The following ADAMTS12 variants were observed in gnomAD, a reference collection of about 807,000 sequenced individuals.
ADAMTS12 encodes A disintegrin and metalloproteinase with thrombospondin motifs 12.
Under a neutral mutation model 167.8 loss-of-function variants are expected in ADAMTS12, and 118 were observed. The observed-to-expected ratio is 0.70, with a 90% CI of 0.61 to 0.82. The LOEUF (loss-of-function observed/expected upper bound fraction) is 0.82. Ranked by LOEUF, ADAMTS12 falls within the 40% of genes least tolerant of loss-of-function variation. The pLI is 0.00. For missense variants in ADAMTS12, 1,916 were observed against 1,998.8 expected, an observed-to-expected ratio of 0.96 and a Z score of 0.79; for synonymous variants, 704 against 716.9, an observed-to-expected ratio of 0.98 and a Z score of 0.29.
chr5:33,640,220 A>T (rs1740388225), intron 11 of ADAMTS12, among the ~76,000 whole-genome samples: 1 of 152,218 alleles, frequency 6.6e-6, no homozygotes, highest in Non-Finnish European at 1.5e-5. Context: ...GTTAGCAATG[A>T]ATTTAAGCAA....
At position 33,813,405 on chromosome 5, in the gene ADAMTS12, A is replaced by G. The variant is rs1026363226; in HGVS notation, c.490-61857T>C. On this transcript the variant is annotated intron_variant, in intron 2 of 23. Transcript: ENST00000504830. ...AAAGTACTTGTTCAAGTTGTCTGTGAATCTTTTAATTAATTGCTGTGGTTG... is the reference window on the plus strand; with the variant it reads ...AAAGTACTTGTTCAAGTTGTCTGTGGATCTTTTAATTAATTGCTGTGGTTG... 1.5e-4 allele frequency among the ~76,000 whole-genome samples: 23 copies of G among 152,316 alleles called. No homozygotes were observed. In the East Asian group the frequency reaches 2.3e-3, roughly 15 times the overall value.
intron 7 of ADAMTS12, among the ~76,000 whole-genome samples, chr5:33,650,522 C>T (rs1382347735): frequency 1.4e-4 from 21 of 152,188 alleles, no homozygotes; most frequent in Non-Finnish European, 1.2e-4. Context: ...GATTTGTCAA[C>T]AATCATATAG....
chr5:33,842,918 A>T (rs973926721), intron 2 of ADAMTS12, among the ~76,000 whole-genome samples: 3 of 152,228 alleles, frequency 2.0e-5, no homozygotes, highest in Non-Finnish European at 4.4e-5. Flanking sequence ...TAGCTAAGCC[A>T]GCATAGGGTC....
chr5:33,566,106 A>T (rs1746002505), intron 19 of ADAMTS12, among the ~76,000 whole-genome samples: 2 of 152,210 alleles, frequency 1.3e-5, no homozygotes, highest in South Asian at 4.1e-4. Context: ...CCAGCAGACA[A>T]TGAAAATTCA....
At chr5:33,862,643 A>G (rs1440573339) in intron 2 of ADAMTS12, among the ~76,000 whole-genome samples, 1 of 152,240 alleles carries the variant, frequency 6.6e-6, no homozygotes, top group Non-Finnish European at 1.5e-5. Context: ...ACATTTTCTG[A>G]AACTATTCCA....
chr5:33,700,299 A>C (rs1742953362), intron 3 of ADAMTS12, among the ~76,000 whole-genome samples: 1 of 152,224 alleles, frequency 6.6e-6, no homozygotes, highest in Non-Finnish European at 1.5e-5. Flanking sequence ...AATGTGCCTC[A>C]ACCAGTGAAG....
intron 2 of ADAMTS12, among the ~76,000 whole-genome samples, chr5:33,795,746 C>T (rs140031785): frequency 5.3e-5 from 8 of 152,216 alleles, no homozygotes; most frequent in South Asian, 2.1e-4. Context: ...TTTGAAAATT[C>T]GCCACTATAC....
chr5:33,691,234 C>G (rs939330821), intron 3 of ADAMTS12, among the ~76,000 whole-genome samples: 1 of 152,182 alleles, frequency 6.6e-6, no homozygotes, highest in Admixed American at 6.5e-5. Flanking sequence ...GACTCTCCTA[C>G]TGGGAAATTT....
intron 3 of ADAMTS12, among the ~76,000 whole-genome samples, chr5:33,716,124 T>C (rs1308373193): frequency 1.3e-5 from 2 of 152,066 alleles, no homozygotes; most frequent in African/African-American, 4.8e-5. Flanking sequence ...GGTGACTAGG[T>C]CAGGAATGTG....
intron 2 of ADAMTS12, among the ~76,000 whole-genome samples, chr5:33,830,707 G>A: frequency 6.6e-6 from 1 of 152,060 alleles, no homozygotes; most frequent in Admixed American, 6.6e-5. Flanking sequence ...TGGGAGTGCT[G>A]TTTGAGCCCA....
At chr5:33,753,348 C>A (rs1299031404) in intron 2 of ADAMTS12, among the ~76,000 whole-genome samples, 1 of 152,198 alleles carries the variant, frequency 6.6e-6, no homozygotes, top group East Asian at 1.9e-4. Context: ...GAAGAACGGA[C>A]AAGGCCCAAA....
At chr5:33,600,229 G>A (rs13189287) in intron 16 of ADAMTS12, among the ~76,000 whole-genome samples, 29,165 of 152,118 alleles carry the variant, frequency 0.19, 3,211 homozygotes, top group East Asian at 0.32. Flanking sequence ...CAACCAGAAT[G>A]TTGCCATGCA....
intron 16 of ADAMTS12, among the ~76,000 whole-genome samples, chr5:33,602,501 A>G (rs1738238828): frequency 1.3e-5 from 2 of 152,216 alleles, no homozygotes; most frequent in Non-Finnish European, 2.9e-5. Flanking sequence ...ATGACAGATC[A>G]ATATCTGAAC....
intron 21 of ADAMTS12, among the ~76,000 whole-genome samples, chr5:33,547,223 G>C: frequency 6.6e-6 from 1 of 152,016 alleles, no homozygotes; most frequent in East Asian, 1.9e-4. Flanking sequence ...CCAGGAAAAG[G>C]GGGTCAAAAA....
chr5:33,672,110 C>T (rs1379418959), intron 5 of ADAMTS12, among the ~76,000 whole-genome samples: 1 of 150,806 alleles, frequency 6.6e-6, no homozygotes, highest in African/African-American at 2.4e-5. Flanking sequence ...CACATCCACA[C>T]ACTCACATCC....
intron 3 of ADAMTS12, among the ~76,000 whole-genome samples, chr5:33,717,571 A>G (rs1030691753): frequency 2.0e-4 from 31 of 152,130 alleles, no homozygotes; most frequent in African/African-American, 7.2e-4. Context: ...TTGGCTCTTC[A>G]CCATGGCACC....
At chr5:33,793,948 G>A (rs531206919) in intron 2 of ADAMTS12, among the ~76,000 whole-genome samples, 1 of 152,222 alleles carries the variant, frequency 6.6e-6, no homozygotes, top group Admixed American at 6.5e-5. Flanking sequence ...GAGGCTTCTC[G>A]CCGCTTTCAA....
chr5:33,689,111 A>G (rs1164026447), intron 3 of ADAMTS12, among the ~76,000 whole-genome samples: 1 of 152,222 alleles, frequency 6.6e-6, no homozygotes, highest in Non-Finnish European at 1.5e-5. Context: ...ACTAACAGCC[A>G]TCTGGGATCC....
At chr5:33,756,569 G>A (rs919536030) in intron 2 of ADAMTS12, among the ~76,000 whole-genome samples, 14 of 152,074 alleles carry the variant, frequency 9.2e-5, no homozygotes, top group African/African-American at 3.4e-4. Context: ...ATAAAGAGAG[G>A]TGGGAGTAGG....
Sources: allele counts gnomAD v4.1 joint callset (sites outside exome capture counted in the v4.1 genomes callset), GRCh38; gene constraint gnomAD v4.1.1; transcripts MANE v1.5; gene names NCBI Gene and HGNC (gene_info 2026-07-23, HGNC 2026-07-21).